The following TMEM170A variants were observed in gnomAD, a reference collection of about 807,000 sequenced individuals.
TMEM170A encodes the protein transmembrane protein 170.
In TMEM170A, 18 loss-of-function variants were observed where a neutral mutation model predicts 12.8. The observed-to-expected ratio is 1.41, with a 90% CI of 0.97 to 2.09. The LOEUF (loss-of-function observed/expected upper bound fraction) is 2.09, where lower values mean the gene tolerates loss of function less well. TMEM170A is among the 30% of genes most tolerant of loss of function. The probability of loss-of-function intolerance (pLI) is 0.00; values close to 1 mark genes in which losing one functional copy is unlikely to be tolerated. For missense variants in TMEM170A, 220 were observed against 179.9 expected (o/e 1.22, Z -1.28); for synonymous variants, 107 against 76.2 (o/e 1.40, Z -2.11).
In TMEM170A at chr16:75,447,249, A is replaced by C; in HGVS notation, c.*309T>G. 5.1e-6 allele frequency: 1 copy of C among 194,578 alleles called. No homozygotes were observed. The allele number at this position is 194,578 out of a possible 1,614,324, so 12.1% of individuals were successfully genotyped here. A position where few individuals can be genotyped will look rare whatever the true frequency, so the allele number is the denominator to read the frequency against. On this transcript the variant is annotated 3_prime_UTR_variant, in exon 3 of 3. Coordinates refer to ENST00000561878, the MANE Select transcript of TMEM170A (RefSeq NM_145254.3). ...CACAGAATACTGTAAATTTCAGTGC[A>C]AAGGATGCCACCCCAGAGACACTGT...
chr16:75,463,194 G>A (rs961094104), intron 1 of TMEM170A, among the ~76,000 whole-genome samples: 2 of 152,184 alleles, frequency 1.3e-5, no homozygotes, highest in Non-Finnish European at 2.9e-5. Flanking sequence ...TTTCAGGAAA[G>A]GGGAAAATTA....
At position 75,447,571 on chromosome 16, in the gene TMEM170A, A is replaced by G. The variant is rs748389609; in HGVS notation, c.422T>C (p.Leu141Ser). 4 of 1,613,216 alleles carry G rather than the reference A, an allele frequency of 2.5e-6. No homozygotes were observed. Among genetic ancestry groups the G allele is most frequent in the African/African-American group, 1.3e-5 (1 of 74,934 alleles). Residue 141 changes from leucine (L) to serine (S), a missense_variant, in exon 3 of 3, where the codon TTA (leucine) becomes TCA (serine). Transcript: ENST00000561878. The stretch of plus-strand genomic sequence containing the variant: ...TAAGGATGTATGCTATAGAGTAGCT[A>G]AAATCCGTAAAAAGGAGACCACCAA... ...CVLVVSFLRI[L>S]ATL
At position 75,447,569 on chromosome 16, in the gene TMEM170A, C is replaced by A; in HGVS notation, c.424G>T (p.Ala142Ser). ...VLVVSFLRILATL is the reference protein window; with the variant it reads ...VLVVSFLRILSTL Reference sequence around the variant, plus strand: ...CATAAGGATGTATGCTATAGAGTAGCTAAAATCCGTAAAAAGGAGACCACC... The same window carrying A: ...CATAAGGATGTATGCTATAGAGTAGATAAAATCCGTAAAAAGGAGACCACC... The change falls in exon 3 of 3, where the codon GCT (alanine) becomes TCT (serine). Residue 142 changes from alanine to serine, a missense_variant. Transcript: ENST00000561878. 2 of 1,612,496 alleles carry A rather than the reference C, an allele frequency of 1.2e-6. No homozygotes were observed. Among genetic ancestry groups the A allele is most frequent in the Admixed American group, 1.7e-5 (1 of 59,642 alleles).
intron 1 of TMEM170A, among the ~76,000 whole-genome samples, chr16:75,457,031 A>C (rs972842193): frequency 6.6e-6 from 1 of 152,264 alleles, no homozygotes; most frequent in African/African-American, 2.4e-5. Flanking sequence ...TCACTGGTCC[A>C]AAGTGGACAA....
At chr16:75,461,815 A>G (rs2079913370) in intron 1 of TMEM170A, among the ~76,000 whole-genome samples, 1 of 152,240 alleles carries the variant, frequency 6.6e-6, no homozygotes, top group Non-Finnish European at 1.5e-5. Context: ...CACAAGTTAC[A>G]TACCCATAAC....
At chr16:75,458,542 G>GA (rs1358389607) in intron 1 of TMEM170A, 1 of 152,228 alleles carries the variant, frequency 6.6e-6, no homozygotes, top group Non-Finnish European at 1.5e-5. Context: ...AAGCATCAGG[G>GA]AATGTACGTG....
Position 75,447,708 on chromosome 16 carries a change from TGTTAAACAAAAACAAAAAACGAAG to T in TMEM170A, c.305-44_305-21del, listed in dbSNP as rs2079612484. ...CTGCACCTGATTTAAAATGCAAGAA[TGTTAAACAAAAACAAAAAACGAAG>T]GTTAACAAACTCACGAAAATACAAC... On this transcript the variant is annotated intron_variant, in intron 2 of 2. Coordinates refer to ENST00000561878, the MANE Select transcript of TMEM170A (RefSeq NM_145254.3). The T allele has an allele frequency of 2.6e-6, 4 of 1,558,824 alleles. No homozygotes were observed. Among genetic ancestry groups the T allele is most frequent in the Non-Finnish European group, 3.5e-6 (4 of 1,154,014 alleles).
intron 1 of TMEM170A, among the ~76,000 whole-genome samples, 161 bp from the exon 2 acceptor site, chr16:75,452,000 C>A (rs561070912): frequency 6.6e-6 from 1 of 152,030 alleles, no homozygotes; most frequent in Non-Finnish European, 1.5e-5. Flanking sequence ...GAGACGGAGT[C>A]TCGCTCTGTC....
At chr16:75,454,668 T>C (rs1300742058) in intron 1 of TMEM170A, among the ~76,000 whole-genome samples, 1 of 152,010 alleles carries the variant, frequency 6.6e-6, no homozygotes, top group Non-Finnish European at 1.5e-5. Context: ...GTTAAAGCTA[T>C]AAAGACAGAT....
At position 75,445,005 on chromosome 16, in the gene TMEM170A, A is replaced by G. The variant is rs2079559752; in HGVS notation, c.*2553T>C. On this transcript the variant is annotated 3_prime_UTR_variant, in exon 3 of 3. Coordinates refer to ENST00000561878, the MANE Select transcript of TMEM170A (RefSeq NM_145254.3). ...ATGTTTAGTGTATGAAATTACATCCAAAGAATGCTTTAGGCAAGAACTCCT... is the reference window on the plus strand; with the variant it reads ...ATGTTTAGTGTATGAAATTACATCCGAAGAATGCTTTAGGCAAGAACTCCT... 2 of 152,356 alleles carry G rather than the reference A, an allele frequency of 1.3e-5. No individual in the cohort carries two copies. The highest frequency in any genetic ancestry group is 2.4e-5 in the African/African-American group (1 of 41,596). The allele number at this position is 152,356 out of a possible 1,614,324, so 9.4% of individuals were successfully genotyped here. A position where few individuals can be genotyped will look rare whatever the true frequency, so the allele number is the denominator to read the frequency against.
rs577637499 is a variant in TMEM170A at position 75,443,616 on chromosome 16, A to C, written c.*3942T>G. 1.3e-4 allele frequency: 20 copies of C among 152,366 alleles called. No homozygotes were observed. In the South Asian group the frequency reaches 3.9e-3, roughly 30 times the overall value. The allele number at this position is 152,366 out of a possible 1,614,324, so 9.4% of individuals were successfully genotyped here. On this transcript the variant is annotated 3_prime_UTR_variant, in exon 3 of 3. Coordinates refer to ENST00000561878, the MANE Select transcript of TMEM170A (RefSeq NM_145254.3). Reference sequence around the variant, plus strand: ...AAATACAATTTAAAATCTTAAAAAAAATAAGGAACGGTTTAAAGGTAATTA... The same window carrying C: ...AAATACAATTTAAAATCTTAAAAAACATAAGGAACGGTTTAAAGGTAATTA...
chr16:75,464,653 G>A lies in TMEM170A; in HGVS notation c.-53C>T. The A allele has an allele frequency of 5.2e-6, 8 of 1,538,332 alleles. No homozygotes were observed. Among genetic ancestry groups the A allele is most frequent in the Admixed American group, 2.1e-5 (1 of 46,878 alleles). On this transcript the variant is annotated 5_prime_UTR_variant, in exon 1 of 3. Transcript: ENST00000561878. ...AGGGACGAGCGCCCGAAGTGCGGTA[G>A]CGGCCGGCGCCGACTCACCCTCGCC...
At chr16:75,461,305 C>T (rs1016039270) in intron 1 of TMEM170A, among the ~76,000 whole-genome samples, 10 of 151,910 alleles carry the variant, frequency 6.6e-5, no homozygotes, top group Admixed American at 2.0e-4. Flanking sequence ...CCGCCCGCTT[C>T]GGCCTCCCAA....
chr16:75,447,289 T>A lies in TMEM170A; in HGVS notation c.*269A>T. 1 of 243,686 alleles carries A rather than the reference T, an allele frequency of 4.1e-6. No individual in the cohort carries two copies. 15.1% of individuals were successfully genotyped at this position (243,686 alleles called of 1,614,324 possible). A position where few individuals can be genotyped will look rare whatever the true frequency, so the allele number is the denominator to read the frequency against. The stretch of plus-strand genomic sequence containing the variant: ...AGAGACACTGTTGACTTGGCTTGGG[T>A]AAAGGTACACATGAAAACTGCTTAA... On this transcript the variant is annotated 3_prime_UTR_variant, in exon 3 of 3. Coordinates refer to ENST00000561878, the MANE Select transcript of TMEM170A (RefSeq NM_145254.3).
intron 1 of TMEM170A, chr16:75,464,109 A>T: frequency 9.0e-7 from 1 of 1,116,832 alleles, no homozygotes; most frequent in Non-Finnish European, 1.3e-6. Context: ...GGGGCAACCC[A>T]GGCAGGGCGG....
chr16:75,463,167 T>G (rs1195278361), intron 1 of TMEM170A, among the ~76,000 whole-genome samples: 1 of 152,186 alleles, frequency 6.6e-6, no homozygotes, highest in Non-Finnish European at 1.5e-5. Context: ...TCTCAACTGT[T>G]TGGCAGGCTT....
chr16:75,447,629 G>A lies in TMEM170A; in HGVS notation c.364C>T (p.Leu122Phe). The change falls in exon 3 of 3, where the codon CTC becomes TTC. Residue 122 changes from leucine (L) to phenylalanine (F), a missense_variant. Transcript: ENST00000561878. Reference protein sequence around the residue: ...AGKEMIPFEALTLGTGQTFCV... With the variant: ...AGKEMIPFEAFTLGTGQTFCV... ...AATGTCTGTCCAGTGCCCAGTGTGAGGGCTTCAAATGGTATCATTTCCTTC... is the reference window on the plus strand; with the variant it reads ...AATGTCTGTCCAGTGCCCAGTGTGAAGGCTTCAAATGGTATCATTTCCTTC... 6.2e-7 allele frequency: 1 copy of A among 1,612,302 alleles called. No homozygotes were observed. The highest frequency in any genetic ancestry group is 8.5e-7 in the Non-Finnish European group (1 of 1,179,376).
chr16:75,457,244 C>T (rs2079816044), intron 1 of TMEM170A, among the ~76,000 whole-genome samples: 1 of 152,214 alleles, frequency 6.6e-6, no homozygotes, highest in Non-Finnish European at 1.5e-5. Context: ...CACAGAACCA[C>T]TGAGGCCTTG....
intron 2 of TMEM170A, among the ~76,000 whole-genome samples, chr16:75,450,664 CTTT>C (rs34424243): frequency 6.6e-6 from 1 of 151,390 alleles, no homozygotes; most frequent in African/African-American, 2.4e-5. Flanking sequence ...AGCAAGAATT[CTTT>C]TTTTTTCCCC....
Sources: allele counts gnomAD v4.1 joint callset (sites outside exome capture counted in the v4.1 genomes callset), GRCh38; gene constraint gnomAD v4.1.1; transcripts MANE v1.5; gene names NCBI Gene and HGNC (gene_info 2026-07-23, HGNC 2026-07-21).